Variants in CEP126 observed in about 807,000 individuals in gnomAD.
CEP126 encodes the protein centrosomal protein of 126 kDa.
A neutral mutation model predicts 107.8 loss-of-function variants in CEP126; 74 were observed. The ratio of observed to expected loss-of-function variants is 0.69; its 90% CI spans 0.57 to 0.83. The LOEUF (loss-of-function observed/expected upper bound fraction) is 0.83. Ranked by LOEUF, CEP126 falls within the 40% of genes least tolerant of loss-of-function variation. CEP126 has a pLI of 0.00. For missense variants in CEP126, 1,237 were observed against 1,281.9 expected, an observed-to-expected ratio of 0.96 and a Z score of 0.53; for synonymous variants, 449 against 446.0, an observed-to-expected ratio of 1.01 and a Z score of -0.08.
intron 2 of CEP126, among the ~76,000 whole-genome samples, chr11:101,938,764 T>C (rs932656137): frequency 6.6e-6 from 1 of 152,158 alleles, no homozygotes; most frequent in African/African-American, 2.4e-5. Flanking sequence ...GTATGCTGTA[T>C]TTTAATTTTT....
intron 7 of CEP126, 117 bp from the exon 8 acceptor site, chr11:101,981,772 C>A: frequency 1.7e-6 from 1 of 586,656 alleles, no homozygotes; most frequent in South Asian, 2.3e-5. Context: ...ATACAAGTTA[C>A]ATGAACAATT....
At chr11:101,955,968 T>C (rs1361339864) in intron 4 of CEP126, 2 of 456,496 alleles carry the variant, frequency 4.4e-6, no homozygotes, top group South Asian at 3.1e-5. Flanking sequence ...CCCTCTACTC[T>C]TCCAAAGACC....
chr11:101,974,051 A>G (rs1216121331), intron 6 of CEP126, among the ~76,000 whole-genome samples: 1 of 152,106 alleles, frequency 6.6e-6, no homozygotes, highest in Non-Finnish European at 1.5e-5. Context: ...CAGTTCCTTT[A>G]TGGTTGCTGG....
At chr11:101,922,783 G>C (rs767032350) in intron 2 of CEP126, 23 bp downstream of exon 2, 4 of 1,589,190 alleles carry the variant, frequency 2.5e-6, no homozygotes, top group Non-Finnish European at 8.6e-7. Context: ...ACTTTATTCA[G>C]AAGTATAGAA....
At chr11:101,945,756 C>T (rs1432301489) in intron 3 of CEP126, among the ~76,000 whole-genome samples, 1 of 151,960 alleles carries the variant, frequency 6.6e-6, no homozygotes, top group Admixed American at 6.6e-5. Context: ...AACCATCATA[C>T]CAGTGTTGTA....
At position 101,999,535 on chromosome 11, in the gene CEP126, A is replaced by T. The variant is rs1222673967; in HGVS notation, c.*1892A>T. On this transcript the variant is annotated 3_prime_UTR_variant, in exon 11 of 11. Coordinates refer to ENST00000263468, the MANE Select transcript of CEP126 (RefSeq NM_020802.4). ...CTAAATAGTAAGCTGGTGAAACAAGATAAGATTTGCATTTTACTAGAACTT... is the reference window on the plus strand; with the variant it reads ...CTAAATAGTAAGCTGGTGAAACAAGTTAAGATTTGCATTTTACTAGAACTT... The T allele has an allele frequency of 3.3e-5, 5 of 150,532 alleles. No individual in the cohort carries two copies. The highest frequency in any genetic ancestry group is 1.2e-4 in the African/African-American group (5 of 41,086). 9.3% of individuals were successfully genotyped at this position (150,532 alleles called of 1,614,324 possible).
At chr11:101,989,446 T>TC (rs1352693897) in intron 9 of CEP126, among the ~76,000 whole-genome samples, 4 of 151,920 alleles carry the variant, frequency 2.6e-5, no homozygotes, top group Non-Finnish European at 4.4e-5. Flanking sequence ...TTACCAAATA[T>TC]CCCCCGGGTG....
At chr11:101,948,468 T>C (rs1312159398) in intron 4 of CEP126, among the ~76,000 whole-genome samples, 1 of 152,144 alleles carries the variant, frequency 6.6e-6, no homozygotes, top group Non-Finnish European at 1.5e-5. Flanking sequence ...GAAGAGAAAA[T>C]TATGTTGAAT....
At chr11:101,959,447 C>T (rs1940945232) in intron 5 of CEP126, among the ~76,000 whole-genome samples, 1 of 152,170 alleles carries the variant, frequency 6.6e-6, no homozygotes, top group Non-Finnish European at 1.5e-5. Context: ...GCCACCATGC[C>T]TGGCCAACAC....
intron 9 of CEP126, among the ~76,000 whole-genome samples, chr11:101,990,989 T>C (rs1352735087): frequency 6.6e-6 from 1 of 151,860 alleles, no homozygotes; most frequent in Non-Finnish European, 1.5e-5. Flanking sequence ...CTGGGCAACA[T>C]GGTGAAACCC....
At position 101,963,294 on chromosome 11, in the gene CEP126, A is replaced by G. The variant is rs141449548; in HGVS notation, c.2259A>G (p.Arg753=). Residue 753 remains arginine (R), a synonymous_variant, in exon 6 of 11, where the codon AGA becomes AGG. Coordinates refer to ENST00000263468, the MANE Select transcript of CEP126 (RefSeq NM_020802.4). ...AGCAAGGTAAGCCACAAAGAGGTAG[A>G]GCAAAAATAATTAGAAAACCAGGAT... ...KTKQGKPQRG[R]AKIIRKPGSA... The G allele has an allele frequency of 8.7e-6, 14 of 1,613,900 alleles. No homozygotes were observed. Among genetic ancestry groups the G allele is most frequent in the African/African-American group, 4.0e-5 (3 of 74,898 alleles).
intron 2 of CEP126, among the ~76,000 whole-genome samples, chr11:101,928,861 T>C (rs1278829349): frequency 6.6e-6 from 1 of 152,222 alleles, no homozygotes; most frequent in Admixed American, 6.5e-5. Flanking sequence ...TTTTAGGTGT[T>C]CTAATCTTTG....
At chr11:101,922,074 C>T (rs999655817) in intron 1 of CEP126, among the ~76,000 whole-genome samples, 6 of 151,712 alleles carry the variant, frequency 4.0e-5, no homozygotes, top group African/African-American at 1.2e-4. Flanking sequence ...TGTGAGCCAC[C>T]GCGCCCAGCC....
At chr11:101,943,595 G>A (rs1940696545) in intron 2 of CEP126, among the ~76,000 whole-genome samples, 1 of 150,720 alleles carries the variant, frequency 6.6e-6, no homozygotes, top group Non-Finnish European at 1.5e-5. Context: ...TTTTGAGACA[G>A]TACAGCTTAA....
chr11:101,931,314 T>C (rs989350953), intron 2 of CEP126, among the ~76,000 whole-genome samples: 2 of 152,222 alleles, frequency 1.3e-5, no homozygotes, highest in Admixed American at 6.5e-5. Flanking sequence ...ACATTTCATT[T>C]GTCGTCTTTT....
intron 10 of CEP126, among the ~76,000 whole-genome samples, chr11:101,996,670 A>G (rs1172959140): frequency 1.3e-5 from 2 of 152,218 alleles, no homozygotes; most frequent in Non-Finnish European, 2.9e-5. Context: ...TTCTGAAAAA[A>G]GCTTCAGAGT....
intron 6 of CEP126, among the ~76,000 whole-genome samples, chr11:101,974,732 CTA>C (rs1293142793): frequency 6.6e-6 from 1 of 152,024 alleles, no homozygotes; most frequent in Non-Finnish European, 1.5e-5. Context: ...CCAGTGCAAG[CTA>C]CATTATTTTT....
intron 6 of CEP126, among the ~76,000 whole-genome samples, chr11:101,974,815 A>C (rs1333925626): frequency 6.6e-6 from 1 of 152,220 alleles, no homozygotes; most frequent in East Asian, 1.9e-4. Context: ...ATGTGAATAG[A>C]AAAATACATA....
Position 101,922,670 on chromosome 11 carries a change from T to G in CEP126, c.158T>G (p.Leu53Ter). 1 of 1,609,236 alleles carries G rather than the reference T, an allele frequency of 6.2e-7. No individual in the cohort carries two copies. Among genetic ancestry groups the G allele is most frequent in the Non-Finnish European group, 8.5e-7 (1 of 1,175,876 alleles). Residue 53 changes from leucine to a stop codon, truncating the protein, a stop_gained, in exon 2 of 11, where the codon TTA becomes TGA. Coordinates refer to ENST00000263468, the MANE Select transcript of CEP126 (RefSeq NM_020802.4). LOFTEE classifies it high-confidence loss of function. ...ATGAAAATCCATCTGGAGAAAAATT[T>G]AGAAGAAGAGCGCCAGATATTACTG... ...LDMKIHLEKN[L>*]EEERQILLQQ...
Sources: allele counts gnomAD v4.1 joint callset (sites outside exome capture counted in the v4.1 genomes callset), GRCh38; gene constraint gnomAD v4.1.1; transcripts MANE v1.5; gene names NCBI Gene and HGNC (gene_info 2026-07-23, HGNC 2026-07-21).